Variants in ARHGEF10 observed in about 807,000 individuals in gnomAD.
ARHGEF10 encodes Rho guanine nucleotide exchange factor (GEF) 10.
A neutral mutation model predicts 147.4 loss-of-function variants in ARHGEF10; 140 were observed. That is an observed-to-expected ratio of 0.95 (90% CI 0.83 to 1.09). The LOEUF is 1.09. ARHGEF10 is among the 50% of genes least tolerant of loss of function. The pLI, the probability that ARHGEF10 is intolerant of heterozygous loss-of-function variation, is 0.00. For missense variants in ARHGEF10, 2,222 were observed against 1,752.7 expected, an observed-to-expected ratio of 1.27 and a Z score of -4.78; for synonymous variants, 902 against 695.8, an observed-to-expected ratio of 1.30 and a Z score of -4.67.
chr8:1,892,362 A>G (rs1257306007), intron 11 of ARHGEF10, among the ~76,000 whole-genome samples: 1 of 147,408 alleles, frequency 6.8e-6, no homozygotes, highest in Non-Finnish European at 1.5e-5. Context: ...TTTTAAATAC[A>G]TTAGTATTTT....
intron 1 of ARHGEF10, among the ~76,000 whole-genome samples, chr8:1,836,065 C>T (rs1278908826): frequency 3.3e-5 from 5 of 151,764 alleles, no homozygotes; most frequent in Non-Finnish European, 7.4e-5. Flanking sequence ...CCTGAAGTCC[C>T]AGCTACTCGG....
In ARHGEF10 at chr8:1,887,535, G is replaced by A. The variant is rs118020067; in HGVS notation, c.1182+1828G>A. ...AGACCCTGAGTGGGGTGAGGGATACGTGAGGAAACACTGAGTTGGGTGAGG... is the reference window on the plus strand; with the variant it reads ...AGACCCTGAGTGGGGTGAGGGATACATGAGGAAACACTGAGTTGGGTGAGG... On this transcript the variant is annotated intron_variant, in intron 11 of 28. Transcript: ENST00000349830. Among the ~76,000 whole-genome samples, 686 of 146,792 alleles carry A rather than the reference G, an allele frequency of 4.7e-3. 4 individuals are homozygous for A. Among genetic ancestry groups the A allele is most frequent in the Non-Finnish European group, 6.5e-3 (438 of 67,008 alleles).
chr8:1,864,811 C>G (rs1352425306), intron 5 of ARHGEF10, among the ~76,000 whole-genome samples: 1 of 152,218 alleles, frequency 6.6e-6, no homozygotes, highest in Admixed American at 6.5e-5. Flanking sequence ...TGGGGAGCAG[C>G]AGCCACTAGA....
intron 26 of ARHGEF10, among the ~76,000 whole-genome samples, chr8:1,939,130 A>G (rs1276839370): frequency 2.6e-5 from 4 of 152,220 alleles, no homozygotes; most frequent in Non-Finnish European, 4.4e-5. Flanking sequence ...ACTCCTGAAC[A>G]CTGTGGAATC....
At chr8:1,898,643 C>A in intron 15 of ARHGEF10, 118 bp downstream of exon 15, 1 of 1,022,726 alleles carries the variant, frequency 9.8e-7, no homozygotes, top group South Asian at 1.3e-5. Flanking sequence ...CTCATCTCCT[C>A]TCTAGGCAGT....
At chr8:1,839,951 CGGTGTGGAAGCTGTCT>C (rs1271962894) in intron 1 of ARHGEF10, among the ~76,000 whole-genome samples, 24 of 79,652 alleles carry the variant, frequency 3.0e-4, no homozygotes, top group African/African-American at 5.7e-4. Flanking sequence ...GGGGACTGTC[CGGTGTGGAAGCTGTCT>C]GGTGTGGAAG....
At chr8:1,924,475 G>A (rs1267663681) in intron 21 of ARHGEF10, among the ~76,000 whole-genome samples, 1 of 152,216 alleles carries the variant, frequency 6.6e-6, no homozygotes, top group African/African-American at 2.4e-5. Flanking sequence ...GGGATGTCAT[G>A]TGTGTGTAAA....
intron 27 of ARHGEF10, among the ~76,000 whole-genome samples, chr8:1,947,527 C>G (rs1469761400): frequency 6.6e-6 from 1 of 152,118 alleles, no homozygotes; most frequent in Non-Finnish European, 1.5e-5. Flanking sequence ...AACCCTTGCA[C>G]ACGATTTAAT....
chr8:1,888,160 TTGCGAGGAGACAGTGAGTGGGGTGAGGG>T (rs1808894884), intron 11 of ARHGEF10, among the ~76,000 whole-genome samples: 1 of 77,042 alleles, frequency 1.3e-5, no homozygotes, highest in South Asian at 4.4e-4. Context: ...GGGGCGAGGG[TTGCGAGGAGACAGTGAGTGGGGTGAGGG>T]TTTGCGAGGA....
At chr8:1,880,695 C>A (rs886331912) in intron 9 of ARHGEF10, among the ~76,000 whole-genome samples, 6 of 152,176 alleles carry the variant, frequency 3.9e-5, no homozygotes, top group Non-Finnish European at 8.8e-5. Flanking sequence ...TGCTTGAGAA[C>A]TGCCGGACCT....
chr8:1,954,093 A>T (rs902080485), intron 28 of ARHGEF10, among the ~76,000 whole-genome samples: 14 of 147,178 alleles, frequency 9.5e-5, no homozygotes, highest in Non-Finnish European at 3.0e-5. Context: ...AAATGCTCCA[A>T]TTTTTTTTTT....
chr8:1,903,181 C>G (rs956897461), intron 15 of ARHGEF10, 100 bp from the exon 16 acceptor site: 1 of 1,442,374 alleles, frequency 6.9e-7, no homozygotes, highest in Non-Finnish European at 9.7e-7. Flanking sequence ...ATGGCAGATG[C>G]CACTGCCTCC....
intron 11 of ARHGEF10, 41 bp from the exon 12 acceptor site, chr8:1,893,528 T>C: frequency 7.6e-7 from 1 of 1,315,326 alleles, no homozygotes; most frequent in Non-Finnish European, 1.1e-6. Flanking sequence ...GTGTGTATTA[T>C]AAAGCAGTTT....
At chr8:1,917,255 G>C (rs1217765229) in intron 18 of ARHGEF10, among the ~76,000 whole-genome samples, 1 of 152,172 alleles carries the variant, frequency 6.6e-6, no homozygotes, top group African/African-American at 2.4e-5. Context: ...CATTTCTACT[G>C]GCTATGTCTG....
intron 8 of ARHGEF10, among the ~76,000 whole-genome samples, chr8:1,878,687 A>G (rs980196388): frequency 7.9e-5 from 12 of 152,190 alleles, no homozygotes; most frequent in African/African-American, 2.9e-4. Context: ...GGGCCAGGCC[A>G]CTGAGGAGCC....
intron 26 of ARHGEF10, among the ~76,000 whole-genome samples, chr8:1,934,199 G>A (rs531152490): frequency 1.3e-5 from 2 of 152,108 alleles, no homozygotes; most frequent in South Asian, 2.1e-4. Context: ...AGGGCAGTGC[G>A]CACCTGTAGT....
chr8:1,940,378 G>A (rs1813987435), intron 26 of ARHGEF10, among the ~76,000 whole-genome samples: 1 of 152,178 alleles, frequency 6.6e-6, no homozygotes, highest in Non-Finnish European at 1.5e-5. Flanking sequence ...TAATCTAGAA[G>A]AGATGGACAG....
At chr8:1,866,286 C>T (rs1806603812) in intron 5 of ARHGEF10, among the ~76,000 whole-genome samples, 1 of 152,192 alleles carries the variant, frequency 6.6e-6, no homozygotes. Context: ...TGCCCGTGTT[C>T]TGTGCCGTGC....
intron 1 of ARHGEF10, chr8:1,826,071 C>T: frequency 6.3e-7 from 1 of 1,585,708 alleles, no homozygotes; most frequent in Non-Finnish European, 8.5e-7. Context: ...CTTTAGCAGC[C>T]AACATCGGCA....
Sources: gnomAD v4.1 joint callset for allele counts (sites outside exome capture counted in the v4.1 genomes callset) on GRCh38, gnomAD v4.1.1 for gene constraint, MANE v1.5 for transcripts, NCBI Gene and HGNC (gene_info 2026-07-23, HGNC 2026-07-21) for gene names.